Variants in FHIT observed in about 807,000 individuals in gnomAD.
The protein encoded by FHIT is fragile histidine triad diadenosine triphosphatase, also known as bis(5'-adenosyl)-triphosphatase.
A neutral mutation model predicts 17.9 loss-of-function variants in FHIT; 19 were observed. That is an observed-to-expected ratio of 1.06 (90% CI 0.74 to 1.56). The LOEUF is 1.56. Ranked by LOEUF, FHIT falls within the 40% of genes most tolerant of loss-of-function variation. FHIT has a pLI of 0.00. For missense variants in FHIT, 248 were observed against 189.2 expected (o/e 1.31, Z -1.82); for synonymous variants, 81 against 69.7 (o/e 1.16, Z -0.81).
intron 4 of FHIT, among the ~76,000 whole-genome samples, chr3:60,807,055 A>G (rs1575549353): frequency 6.6e-6 from 1 of 152,178 alleles, no homozygotes; most frequent in East Asian, 1.9e-4. Context: ...CCAGTCAATC[A>G]TTGTTCTAAA....
intron 3 of FHIT, among the ~76,000 whole-genome samples, chr3:60,996,459 G>C (rs913202594): frequency 6.6e-6 from 1 of 152,090 alleles, no homozygotes; most frequent in African/African-American, 2.4e-5. Context: ...TTATGATTTT[G>C]TTCTTAATTG....
intron 4 of FHIT, among the ~76,000 whole-genome samples, chr3:60,661,200 A>G (rs2107825054): frequency 6.6e-6 from 1 of 151,528 alleles, no homozygotes; most frequent in East Asian, 2.0e-4. Context: ...CTCATCCTTC[A>G]CCTCCCTCCT....
chr3:60,375,075 C>A (rs541682585), intron 5 of FHIT, among the ~76,000 whole-genome samples: 2 of 149,462 alleles, frequency 1.3e-5, no homozygotes, highest in African/African-American at 4.9e-5. Context: ...ACTTTATGCT[C>A]TTCAAGAATC....
At chr3:60,228,361 C>A (rs980545799) in intron 5 of FHIT, among the ~76,000 whole-genome samples, 1 of 151,828 alleles carries the variant, frequency 6.6e-6, no homozygotes. Flanking sequence ...TTTGGGAAGA[C>A]GAAAATGTTC....
chr3:60,778,925 T>C (rs1197916698), intron 4 of FHIT, among the ~76,000 whole-genome samples: 2 of 152,138 alleles, frequency 1.3e-5, no homozygotes, highest in African/African-American at 4.8e-5. Context: ...CAGTAAAGAA[T>C]GTCACTTTCT....
At chr3:60,466,081 T>C (rs936927126) in intron 5 of FHIT, among the ~76,000 whole-genome samples, 2 of 152,102 alleles carry the variant, frequency 1.3e-5, no homozygotes, top group African/African-American at 4.8e-5. Context: ...GTTTTATAGA[T>C]TTCACTGTGG....
chr3:60,282,180 A>T (rs1707492369), intron 5 of FHIT, among the ~76,000 whole-genome samples: 1 of 152,190 alleles, frequency 6.6e-6, no homozygotes, highest in Non-Finnish European at 1.5e-5. Context: ...CTGAGTTGAA[A>T]ACTAATGTTC....
intron 5 of FHIT, among the ~76,000 whole-genome samples, chr3:60,417,083 C>T (rs189970958): frequency 8.9e-5 from 13 of 145,392 alleles, no homozygotes; most frequent in Non-Finnish European, 1.5e-4. Flanking sequence ...AGGGAGACTC[C>T]ATCTCAGAAA....
intron 5 of FHIT, among the ~76,000 whole-genome samples, chr3:60,215,271 C>T (rs1703646688): frequency 6.6e-6 from 1 of 152,164 alleles, no homozygotes. Flanking sequence ...GCAAGTGGAT[C>T]ATGAGGTCAG....
intron 3 of FHIT, among the ~76,000 whole-genome samples, chr3:60,961,663 C>A (rs1709452591): frequency 6.6e-6 from 1 of 152,136 alleles, no homozygotes. Flanking sequence ...CCAGTTTTCC[C>A]AGCACCACTT....
intron 5 of FHIT, among the ~76,000 whole-genome samples, chr3:60,083,993 T>G (rs1367439330): frequency 6.6e-6 from 1 of 152,148 alleles, no homozygotes; most frequent in Non-Finnish European, 1.5e-5. Context: ...ACTGGCACGT[T>G]TATGTATTGA....
chr3:60,369,821 C>G (rs1022759003), intron 5 of FHIT, among the ~76,000 whole-genome samples: 12 of 152,172 alleles, frequency 7.9e-5, no homozygotes, highest in African/African-American at 1.2e-4. Flanking sequence ...CTGTGTCTTA[C>G]AGAGTCCCAC....
chr3:59,936,312 G>C (rs1183164023), intron 7 of FHIT, among the ~76,000 whole-genome samples: 2 of 152,154 alleles, frequency 1.3e-5, no homozygotes, highest in Admixed American at 6.5e-5. Flanking sequence ...AATTTGTAGA[G>C]TGATTCCCTC....
chr3:61,187,884 G>T (rs1408889050), intron 2 of FHIT, among the ~76,000 whole-genome samples: 1 of 152,172 alleles, frequency 6.6e-6, no homozygotes, highest in Non-Finnish European at 1.5e-5. Context: ...TGAAACCAAT[G>T]AGAACAAAGA....
intron 1 of FHIT, among the ~76,000 whole-genome samples, chr3:61,226,312 C>A (rs555962621): frequency 5.9e-5 from 9 of 152,278 alleles, no homozygotes; most frequent in Non-Finnish European, 1.3e-4. Context: ...AGATGAGGCT[C>A]CACACCTGCA....
At chr3:61,067,722 CAGTT>C (rs1430869098) in intron 2 of FHIT, among the ~76,000 whole-genome samples, 17 of 152,290 alleles carry the variant, frequency 1.1e-4, no homozygotes, top group Admixed American at 7.8e-4. Context: ...GCACTTTTCT[CAGTT>C]AGGGTGCTTC....
intron 2 of FHIT, among the ~76,000 whole-genome samples, chr3:61,198,189 T>C (rs1457958933): frequency 1.3e-5 from 2 of 152,046 alleles, no homozygotes; most frequent in African/African-American, 4.8e-5. Flanking sequence ...TTAAGAATTA[T>C]TGGAAGGATA....
intron 7 of FHIT, among the ~76,000 whole-genome samples, chr3:59,954,474 C>T (rs979656244): frequency 2.0e-5 from 3 of 152,118 alleles, no homozygotes; most frequent in Admixed American, 2.0e-4. Context: ...AACACACACA[C>T]CTCTCAACTC....
At chr3:60,010,299 A>G (rs996312276) in intron 7 of FHIT, among the ~76,000 whole-genome samples, 10 of 152,334 alleles carry the variant, frequency 6.6e-5, no homozygotes, top group African/African-American at 2.4e-4. Context: ...GTCTATCACC[A>G]TACCCTGTGT....
Sources: allele counts gnomAD v4.1 joint callset (sites outside exome capture counted in the v4.1 genomes callset), GRCh38; gene constraint gnomAD v4.1.1; transcripts MANE v1.5; gene names NCBI Gene and HGNC (gene_info 2026-07-23, HGNC 2026-07-21).